Variants in KLHL5 observed in about 807,000 individuals in gnomAD.
KLHL5 encodes kelch like family member 5, also known as kelch-like protein 5.
In KLHL5, 48 loss-of-function variants were observed where a neutral mutation model predicts 77.7. That is an observed-to-expected ratio of 0.62 (90% confidence interval 0.49 to 0.79). KLHL5 has a LOEUF of 0.79. Ranked by LOEUF, KLHL5 falls within the 30% of genes least tolerant of loss-of-function variation. The pLI, the probability that KLHL5 is intolerant of heterozygous loss-of-function variation, is 0.00. For synonymous variants in KLHL5, 260 were observed against 297.0 expected (o/e 0.88, Z 1.28); for missense variants, 723 against 859.7 (o/e 0.84, Z 1.99).
chr4:39,111,331 C>T (rs79117224), intron 8 of KLHL5, among the ~76,000 whole-genome samples: 2,305 of 152,258 alleles, frequency 0.015, 58 homozygotes, highest in African/African-American at 0.053. Flanking sequence ...GGTTAAATAA[C>T]TTGTCCATAG....
chr4:39,049,713 A>AAAAT (rs112120175), intron 1 of KLHL5, among the ~76,000 whole-genome samples: 3,677 of 18,134 alleles, frequency 0.2, 146 homozygotes, highest in African/African-American at 0.33. Context: ...AAATAAATAA[A>AAAAT]AAATAAATAA....
chr4:39,081,248 T>C lies in KLHL5; in HGVS notation c.703+9T>C, dbSNP rs200692917. The C allele has an allele frequency of 6.5e-5, 102 of 1,577,168 alleles. No individual in the cohort carries two copies. In the African/African-American group the frequency reaches 1.3e-3, roughly 20 times the overall value. ...CCAGTATGCTTATACAGGTAACGAG[T>C]CTGAAAATGTAAATTAAAACCTCTT... On this transcript the variant is annotated intron_variant, in intron 3 of 10. Coordinates refer to ENST00000504108, the MANE Select transcript of KLHL5 (RefSeq NM_015990.5). This position sits in a 1 kb window ranked among gnomAD's most constrained non-coding sequence, Gnocchi z 4.3.
intron 1 of KLHL5, among the ~76,000 whole-genome samples, chr4:39,070,767 A>G (rs944860448): frequency 3.3e-5 from 5 of 152,196 alleles, no homozygotes; most frequent in Non-Finnish European, 7.3e-5. Context: ...CCAAATCAAA[A>G]TATATTTCTC....
At chr4:39,115,016 C>T (rs1475605447) in intron 9 of KLHL5, 143 bp from the exon 10 acceptor site, 1 of 720,304 alleles carries the variant, frequency 1.4e-6, no homozygotes, top group East Asian at 2.8e-5. Flanking sequence ...CAGAGAAATA[C>T]TGATATTTTT....
intron 5 of KLHL5, among the ~76,000 whole-genome samples, chr4:39,090,971 C>A (rs1457139204): frequency 1.4e-5 from 2 of 143,774 alleles, no homozygotes; most frequent in Non-Finnish European, 3.0e-5. Flanking sequence ...ACCACCATGC[C>A]CAGTCAGTTT....
At chr4:39,088,339 C>T (rs1304269388) in intron 5 of KLHL5, among the ~76,000 whole-genome samples, 2 of 152,138 alleles carry the variant, frequency 1.3e-5, no homozygotes, top group African/African-American at 4.8e-5. Flanking sequence ...GTTCGAACAC[C>T]TGTTGTACAA....
Position 39,082,160 on chromosome 4 carries a change from G to T in KLHL5, c.900+1G>T. 1 of 1,573,202 alleles carries T rather than the reference G, an allele frequency of 6.4e-7. No homozygotes were observed. The highest frequency in any genetic ancestry group is 1.2e-5 in the South Asian group (1 of 85,202). ...TAAAGTGGCTCACAATTATACTATG[G>T]TATGTATTTTTTGAAGGTGAGAAAG... is the stretch of plus-strand genomic sequence containing the variant. On this transcript the variant is annotated splice_donor_variant, in intron 4 of 10. Transcript: ENST00000504108. LOFTEE classifies it high-confidence loss of function.
intron 1 of KLHL5, 63 bp downstream of exon 1, chr4:39,063,098 T>A: frequency 8.6e-7 from 1 of 1,161,978 alleles, no homozygotes; most frequent in Non-Finnish European, 1.2e-6. Context: ...TGTTTTTAAA[T>A]AATTTAGTAT....
At chr4:39,090,846 A>G (rs1247825961) in intron 5 of KLHL5, among the ~76,000 whole-genome samples, 1 of 151,960 alleles carries the variant, frequency 6.6e-6, no homozygotes, top group African/African-American at 2.4e-5. Flanking sequence ...TCTATTTCCC[A>G]GGCTGGACTG....
In KLHL5 at chr4:39,062,976, A is replaced by T. The variant is rs748248562; in HGVS notation, c.324A>T (p.Arg108Ser). ...GTGGCGGTGCACATTGGCTGGATAG[A>T]CCAGAAGTGGATGATGGCACTAGTG... ...EDCGGAHWLD[R>S]PEVDDGTSEE... is the part of the protein sequence containing the mutation. The change falls in exon 1 of 11, where the codon AGA (arginine) becomes AGT (serine). Residue 108 changes from arginine (R) to serine (S), a missense_variant. Physicochemically the swap from Arg to Ser is moderately radical, Grantham distance 110. Around this residue, in one of 3 missense-constraint regions of KLHL5, gnomAD observed 221 missense variants for 222.1 expected, o/e 1.00. Transcript: ENST00000504108. The T allele has an allele frequency of 6.2e-7, 1 of 1,614,082 alleles. No homozygotes were observed. The highest frequency in any genetic ancestry group is 8.5e-7 in the Non-Finnish European group (1 of 1,179,996).
At chr4:39,062,200 G>A, upstream of KLHL5, 1 of 1,029,054 alleles carries the variant, frequency 9.7e-7, no homozygotes, top group Non-Finnish European at 1.2e-6. Flanking sequence ...AGCAATGAAA[G>A]AGTTAATATA....
Position 39,076,023 on chromosome 4 carries a change from G to C in KLHL5, c.442G>C (p.Asp148His). The change falls in exon 2 of 11, where the codon GAT becomes CAT. Residue 148 changes from aspartate to histidine, a missense_variant. Around this residue, in one of 3 missense-constraint regions of KLHL5, gnomAD observed 221 missense variants for 222.1 expected, o/e 1.00. Coordinates refer to ENST00000504108, the MANE Select transcript of KLHL5 (RefSeq NM_015990.5). The part of the protein sequence containing the change: ...SCHTMEPCTS[D>H]EFFQALNHAE... The stretch of plus-strand genomic sequence containing the variant: ...TCATACTATGGAGCCATGTACATCA[G>C]ATGAATTTTTCCAAGCCCTTAATCA... 6.2e-7 allele frequency: 1 copy of C among 1,612,586 alleles called. No individual in the cohort carries two copies. Among genetic ancestry groups the C allele is most frequent in the Non-Finnish European group, 8.5e-7 (1 of 1,179,502 alleles).
intron 7 of KLHL5, among the ~76,000 whole-genome samples, chr4:39,105,235 C>T (rs1721931999): frequency 1.3e-5 from 2 of 151,236 alleles, no homozygotes; most frequent in African/African-American, 4.9e-5. Flanking sequence ...CAACCTCTTC[C>T]TCCTGGGCTA....
At chr4:39,108,237 C>T (rs990914438) in intron 8 of KLHL5, among the ~76,000 whole-genome samples, 1 of 151,988 alleles carries the variant, frequency 6.6e-6, no homozygotes, top group African/African-American at 2.4e-5. Flanking sequence ...CTCTTGTCTG[C>T]TCTGAATAAA....
rs900937478 is a variant in KLHL5 at position 39,122,647 on chromosome 4, T to C, written c.*1581T>C. On this transcript the variant is annotated 3_prime_UTR_variant, in exon 11 of 11. Transcript: ENST00000504108. ...AGTGAAACCCCGTCTCTACTAAAAATAAAAAATAAAAAAAAATTAGCCAGG... is the reference window on the plus strand; with the variant it reads ...AGTGAAACCCCGTCTCTACTAAAAACAAAAAATAAAAAAAAATTAGCCAGG... 2.0e-5 allele frequency among the ~76,000 whole-genome samples: 3 copies of C among 151,294 alleles called. No individual in the cohort carries two copies. Among genetic ancestry groups the C allele is most frequent in the African/African-American group, 7.3e-5 (3 of 41,212 alleles).
intron 1 of KLHL5, among the ~76,000 whole-genome samples, chr4:39,070,634 C>A (rs1718386210): frequency 6.6e-6 from 1 of 152,040 alleles, no homozygotes; most frequent in Admixed American, 6.6e-5. Flanking sequence ...TAAAAATGTC[C>A]ATTTGCCCTT....
At chr4:39,100,898 C>T (rs923384100) in intron 6 of KLHL5, among the ~76,000 whole-genome samples, 17 of 151,882 alleles carry the variant, frequency 1.1e-4, no homozygotes, top group African/African-American at 3.1e-4. Flanking sequence ...TTGCCTTAGT[C>T]GGTTGGTAGT....
intron 4 of KLHL5, among the ~76,000 whole-genome samples, chr4:39,083,962 T>C (rs946557222): frequency 4.6e-5 from 7 of 152,314 alleles, no homozygotes; most frequent in African/African-American, 1.7e-4. Context: ...GAAATTGAAT[T>C]CTAATAACAA....
At chr4:39,070,773 T>C (rs1302690844) in intron 1 of KLHL5, among the ~76,000 whole-genome samples, 1 of 152,190 alleles carries the variant, frequency 6.6e-6, no homozygotes, top group Non-Finnish European at 1.5e-5. Context: ...CAAAATATAT[T>C]TCTCTTGAGG....
Sources: allele counts gnomAD v4.1 joint callset (sites outside exome capture counted in the v4.1 genomes callset), GRCh38; gene constraint gnomAD v4.1.1; regional missense constraint gnomAD v4.1.1; non-coding constraint Gnocchi (gnomAD v3.1); transcripts MANE v1.5; gene names NCBI Gene and HGNC (gene_info 2026-07-23, HGNC 2026-07-21).